The following MTUS2 variants were observed in gnomAD, a reference collection of about 807,000 sequenced individuals.
MTUS2 encodes the protein microtubule associated scaffold protein 2.
MTUS2 carries 40 observed loss-of-function variants against 114.1 expected under a neutral mutation model. The observed-to-expected ratio is 0.35, with a 90% CI of 0.27 to 0.46. The LOEUF (loss-of-function observed/expected upper bound fraction) is 0.46, where lower values mean the gene tolerates loss of function less well. Among genes scored for constraint, MTUS2 ranks in the 20% least tolerant of loss-of-function variants. MTUS2 has a pLI of 1.00. For missense variants in MTUS2, 1,679 were observed against 1,705.4 expected (o/e 0.98, Z 0.27); for synonymous variants, 688 against 672.0 (o/e 1.02, Z -0.37).
intron 8 of MTUS2, among the ~76,000 whole-genome samples, chr13:29,399,796 G>A (rs1486481044): frequency 1.3e-5 from 2 of 152,070 alleles, no homozygotes; most frequent in African/African-American, 4.8e-5. Flanking sequence ...AAAACCCAAA[G>A]GAGAACAAAT....
At chr13:28,911,079 G>A (rs1226325756) in intron 2 of MTUS2, among the ~76,000 whole-genome samples, 3 of 147,856 alleles carry the variant, frequency 2.0e-5, no homozygotes, top group Non-Finnish European at 1.5e-5. Flanking sequence ...GTTTCACCGT[G>A]TTATCCAGGA....
chr13:29,321,157 A>G (rs1045558330), intron 6 of MTUS2, among the ~76,000 whole-genome samples: 7 of 137,216 alleles, frequency 5.1e-5, no homozygotes, highest in Non-Finnish European at 7.4e-5. Context: ...ATCAGTGTAC[A>G]TAAGTTGGTG....
At chr13:29,444,214 AG>A (rs1878108072) in intron 9 of MTUS2, among the ~76,000 whole-genome samples, 2 of 152,176 alleles carry the variant, frequency 1.3e-5, no homozygotes, top group Non-Finnish European at 2.9e-5. Context: ...ACCTGAGGTC[AG>A]GAGTTGGAGA....
At chr13:28,942,133 C>T (rs533011827) in intron 2 of MTUS2, among the ~76,000 whole-genome samples, 1 of 152,006 alleles carries the variant, frequency 6.6e-6, no homozygotes, top group Non-Finnish European at 1.5e-5. Flanking sequence ...TTAAATAACT[C>T]ACTTAAAGCA....
In MTUS2 at chr13:28,950,757, T is replaced by C. The variant is rs9550425; in HGVS notation, c.-242-73700T>C. ...TAATAGTAACATCAAAGATCTCTGA[T>C]CACAGATCACTGTAACAGATATATT... On this transcript the variant is annotated intron_variant, in intron 2 of 15. Coordinates refer to ENST00000612955, the MANE Select transcript of MTUS2 (RefSeq NM_001033602.4). Among the ~76,000 whole-genome samples the C allele has an allele frequency of 1.9e-3, 287 of 152,288 alleles. 9 individuals carry two copies. In the East Asian group the frequency reaches 0.046, roughly 24 times the overall value.
chr13:29,472,791 A>G (rs1880416715), intron 9 of MTUS2, among the ~76,000 whole-genome samples: 1 of 152,250 alleles, frequency 6.6e-6, no homozygotes, highest in Non-Finnish European at 1.5e-5. Flanking sequence ...TGTTACACGA[A>G]CATGAGAATA....
At chr13:28,978,960 GTC>G (rs1259145004) in intron 2 of MTUS2, among the ~76,000 whole-genome samples, 1 of 152,200 alleles carries the variant, frequency 6.6e-6, no homozygotes, top group African/African-American at 2.4e-5. Context: ...CAAAATGACT[GTC>G]TCTGCATAGG....
At chr13:29,203,938 C>T (rs1895072077) in intron 5 of MTUS2, among the ~76,000 whole-genome samples, 2 of 151,798 alleles carry the variant, frequency 1.3e-5, no homozygotes, top group Admixed American at 1.3e-4. Context: ...ATTGATCTTG[C>T]TGGGAGTTAC....
chr13:28,843,006 C>T (rs1875616682), intron 2 of MTUS2, among the ~76,000 whole-genome samples: 1 of 152,210 alleles, frequency 6.6e-6, no homozygotes, highest in African/African-American at 2.4e-5. Flanking sequence ...CCTGTTGCCA[C>T]TAGGCTTTCC....
At chr13:29,123,719 CACACACACACGCAT>C (rs1287939190) in intron 5 of MTUS2, among the ~76,000 whole-genome samples, 2 of 152,206 alleles carry the variant, frequency 1.3e-5, no homozygotes, top group East Asian at 3.9e-4. Context: ...AACAAACACA[CACACACACACGCAT>C]ACACACACAC....
intron 4 of MTUS2, among the ~76,000 whole-genome samples, chr13:29,060,543 CTTTTTTTT>C: frequency 9.9e-6 from 1 of 101,210 alleles, no homozygotes; most frequent in East Asian, 3.2e-4. Flanking sequence ...CCTAGCCCTT[CTTTTTTTT>C]TTTTTTTTTT....
chr13:29,214,746 C>A lies in MTUS2; in HGVS notation c.2645-66958C>A, dbSNP rs111756994. ...AGAGATCCACTGTTAGTCTGATGGGCCTTCCTTTGTAGGTAACCTGACCTT... is the reference window on the plus strand; with the variant it reads ...AGAGATCCACTGTTAGTCTGATGGGACTTCCTTTGTAGGTAACCTGACCTT... On this transcript the variant is annotated intron_variant, in intron 5 of 15. Transcript: ENST00000612955. 1.7e-3 allele frequency among the ~76,000 whole-genome samples: 255 copies of A among 152,266 alleles called. 1 individual carries two copies. Among genetic ancestry groups the A allele is most frequent in the African/African-American group, 5.7e-3 (235 of 41,550 alleles).
In MTUS2 at chr13:29,503,504, A is replaced by C; in HGVS notation, c.*298A>C. The C allele has an allele frequency of 1.9e-6, 1 of 530,544 alleles. No individual in the cohort carries two copies. Among genetic ancestry groups the C allele is most frequent in the Non-Finnish European group, 3.4e-6 (1 of 293,872 alleles). 32.9% of individuals were successfully genotyped at this position (530,544 alleles called of 1,614,324 possible). ...CTGCAGAATTTCAGGTTAGTTACAAAAAGCTCAGTTTTCAATATACATTGA... is the reference window on the plus strand; with the variant it reads ...CTGCAGAATTTCAGGTTAGTTACAACAAGCTCAGTTTTCAATATACATTGA... On this transcript the variant is annotated 3_prime_UTR_variant, in exon 16 of 16. Coordinates refer to ENST00000612955, the MANE Select transcript of MTUS2 (RefSeq NM_001033602.4).
chr13:28,844,586 T>TGTAA (rs1304279537), intron 2 of MTUS2, among the ~76,000 whole-genome samples: 2 of 125,898 alleles, frequency 1.6e-5, no homozygotes, highest in African/African-American at 6.4e-5. Flanking sequence ...AGCATTTGTG[T>TGTAA]GTGAGTGTGT....
At chr13:29,028,208 G>A (rs1886650975) in intron 3 of MTUS2, among the ~76,000 whole-genome samples, 1 of 152,164 alleles carries the variant, frequency 6.6e-6, no homozygotes. Flanking sequence ...AAAACTAGCT[G>A]GGTGTGGTGG....
intron 5 of MTUS2, among the ~76,000 whole-genome samples, chr13:29,109,923 CCTT>C (rs1343678852): frequency 6.6e-6 from 1 of 152,142 alleles, no homozygotes; most frequent in Non-Finnish European, 1.5e-5. Context: ...TGGTGAATAA[CCTT>C]CTGAGTGAGT....
In MTUS2 at chr13:29,021,982, C is replaced by T. The variant is rs187242742; in HGVS notation, c.-242-2475C>T. 1.5e-3 allele frequency among the ~76,000 whole-genome samples: 225 copies of T among 151,902 alleles called. 1 individual carries two copies. The highest frequency in any genetic ancestry group is 3.7e-3 in the African/African-American group (155 of 41,416). ...TGGAGAAGGAGAAAAAGCATGAGAGCGGGGAGGATGAGGACAGTGAGGGAG... is the reference window on the plus strand; with the variant it reads ...TGGAGAAGGAGAAAAAGCATGAGAGTGGGGAGGATGAGGACAGTGAGGGAG... On this transcript the variant is annotated intron_variant, in intron 2 of 15. Transcript: ENST00000612955.
At chr13:29,206,369 C>T (rs1895185049) in intron 5 of MTUS2, among the ~76,000 whole-genome samples, 1 of 152,190 alleles carries the variant, frequency 6.6e-6, no homozygotes, top group African/African-American at 2.4e-5. Flanking sequence ...TCTGTTCACT[C>T]TGCTGATTAT....
intron 6 of MTUS2, among the ~76,000 whole-genome samples, chr13:29,311,866 G>C (rs1239243827): frequency 6.6e-6 from 1 of 152,182 alleles, no homozygotes; most frequent in African/African-American, 2.4e-5. Context: ...GGGGAGTTCA[G>C]ACTCACTGGA....
Sources: allele counts gnomAD v4.1 joint callset (sites outside exome capture counted in the v4.1 genomes callset), GRCh38; gene constraint gnomAD v4.1.1; transcripts MANE v1.5; gene names NCBI Gene and HGNC (gene_info 2026-07-23, HGNC 2026-07-21).